The following SBF1 variants were observed in gnomAD, a reference collection of about 807,000 sequenced individuals.
The protein encoded by SBF1 is SET binding factor 1.
In SBF1, 65 loss-of-function variants were observed where a neutral mutation model predicts 215.8. That is an observed-to-expected ratio of 0.30 (90% confidence interval 0.25 to 0.37). The LOEUF (loss-of-function observed/expected upper bound fraction) is 0.37, where lower values mean the gene tolerates loss of function less well. SBF1 is among the 10% of genes least tolerant of loss of function. SBF1 has a pLI of 1.00. For missense variants in SBF1, 2,634 were observed against 2,667.8 expected, an observed-to-expected ratio of 0.99 and a Z score of 0.28; for synonymous variants, 1,410 against 1,122.8, an observed-to-expected ratio of 1.26 and a Z score of -5.11.
intron 2 of SBF1, among the ~76,000 whole-genome samples, 191 bp downstream of exon 2, chr22:50,468,183 GAC>G (rs143365869): frequency 7.4e-4 from 112 of 152,324 alleles, no homozygotes; most frequent in Middle Eastern, 3.4e-3. Flanking sequence ...GTGACAACAT[GAC>G]ACAGTGACAT....
chr22:50,446,967 G>T lies in SBF1; in HGVS notation c.*175C>A. 1 of 720,168 alleles carries T rather than the reference G, an allele frequency of 1.4e-6. No individual in the cohort carries two copies. The highest frequency in any genetic ancestry group is 1.5e-5 in the South Asian group (1 of 66,824). 44.6% of individuals were successfully genotyped at this position (720,168 alleles called of 1,614,324 possible). ...GTGCTCAGCTGTGACGCCAAAATAAGTTAGGGCCGGCCGGGCGGGGCGGGG... is the reference window on the plus strand; with the variant it reads ...GTGCTCAGCTGTGACGCCAAAATAATTTAGGGCCGGCCGGGCGGGGCGGGG... On this transcript the variant is annotated 3_prime_UTR_variant, in exon 41 of 41. Coordinates refer to ENST00000380817, the MANE Select transcript of SBF1 (RefSeq NM_002972.4).
In SBF1 at chr22:50,454,513, T is replaced by C; in HGVS notation, c.5042A>G (p.Glu1681Gly). 2 of 1,607,904 alleles carry C rather than the reference T, an allele frequency of 1.2e-6. No homozygotes were observed. Among genetic ancestry groups the C allele is most frequent in the Non-Finnish European group, 1.7e-6 (2 of 1,179,332 alleles). Residue 1681 changes from glutamate (E) to glycine (G), a missense_variant and splice_region_variant, in exon 36 of 41, where the codon GAG (glutamate) becomes GGG (glycine). Transcript: ENST00000380817. The part of the protein sequence containing the change: ...AQPDAISRLL[E>G]ELQRLETELG... ...ACCCTGCTCTGGGATCACACGCACC[T>C]CCAGCAGGCGTGAGATGGCGTCAGG... is the stretch of plus-strand genomic sequence containing the variant.
chr22:50,466,444 T>C lies in SBF1; in HGVS notation c.694A>G (p.Thr232Ala). Residue 232 changes from threonine (T) to alanine (A), a missense_variant, in exon 7 of 41, where the codon ACG (threonine) becomes GCG (alanine). Thr to Ala is a moderately conservative substitution (Grantham distance 58). Coordinates refer to ENST00000380817, the MANE Select transcript of SBF1 (RefSeq NM_002972.4). ...GACAGGAAGAGAACCTTGTGCTCCG[T>C]GAGGGCGGCACAGAACAAAGACAGC... ...NVLSLFCAAL[T>A]EHKVLFLSRS... 1.9e-6 allele frequency: 3 copies of C among 1,552,194 alleles called. No individual in the cohort carries two copies. Among genetic ancestry groups the C allele is most frequent in the Non-Finnish European group, 2.6e-6 (3 of 1,147,316 alleles).
In SBF1 at chr22:50,446,648, G is replaced by C; in HGVS notation, c.*494C>G. ...CGCCCCCAGAGCAAAGTCACTCCCAGGGACATGCAGGCCGAGCTGGGTGGA... is the reference window on the plus strand; with the variant it reads ...CGCCCCCAGAGCAAAGTCACTCCCACGGACATGCAGGCCGAGCTGGGTGGA... On this transcript the variant is annotated 3_prime_UTR_variant, in exon 41 of 41. Transcript: ENST00000380817. 2.7e-6 allele frequency: 1 copy of C among 364,062 alleles called. No homozygotes were observed. The highest frequency in any genetic ancestry group is 5.4e-6 in the Non-Finnish European group (1 of 184,300). 22.6% of individuals were successfully genotyped at this position (364,062 alleles called of 1,614,324 possible). A position where few individuals can be genotyped will look rare whatever the true frequency, so the allele number is the denominator to read the frequency against.
At chr22:50,447,694 C>G (rs962775933) in intron 38 of SBF1, 85 bp from the exon 39 acceptor site, 2 of 1,002,916 alleles carry the variant, frequency 2.0e-6, no homozygotes, top group African/African-American at 1.6e-5. Context: ...CCCTTGCTGT[C>G]CCAGCCCAGG....
chr22:50,459,884 C>A, intron 26 of SBF1, 68 bp downstream of exon 26: 2 of 1,549,038 alleles, frequency 1.3e-6, no homozygotes, highest in Non-Finnish European at 8.9e-7. Context: ...GTGGCCCAGG[C>A]CCACAGCGGG....
In SBF1 at chr22:50,464,422, G is replaced by A. The variant is rs1381479747; in HGVS notation, c.1656C>T (p.Cys552=). The stretch of plus-strand genomic sequence containing the variant: ...GGGCGCTGTTGACATGCAGCCCACT[G>A]CACCGCTCCAGTATGGCAGCTGCGG... ...GPPMTAILER[C]SGLHVNSARR... is the part of the protein sequence containing the mutation. Residue 552 remains cysteine (C), a synonymous_variant, in exon 15 of 41, where the codon TGC becomes TGT. Coordinates refer to ENST00000380817, the MANE Select transcript of SBF1 (RefSeq NM_002972.4). The A allele has an allele frequency of 2.5e-6, 4 of 1,613,784 alleles. No homozygotes were observed. Among genetic ancestry groups the A allele is most frequent in the African/African-American group, 2.7e-5 (2 of 74,960 alleles).
intron 1 of SBF1, among the ~76,000 whole-genome samples, chr22:50,473,450 T>C (rs996729241): frequency 1.3e-5 from 2 of 152,176 alleles, no homozygotes; most frequent in African/African-American, 4.8e-5. Context: ...GAGGACTATG[T>C]GGTCCTAGCA....
intron 9 of SBF1, 24 bp from the exon 10 acceptor site, chr22:50,465,864 C>T (rs748451418): frequency 2.1e-5 from 34 of 1,612,832 alleles, no homozygotes; most frequent in Non-Finnish European, 2.8e-5. Context: ...ATGGAGCAGG[C>T]AGCTGCACGC....
intron 28 of SBF1, among the ~76,000 whole-genome samples, chr22:50,457,569 G>A (rs927952055): frequency 2.0e-5 from 3 of 152,260 alleles, no homozygotes; most frequent in African/African-American, 7.2e-5. Flanking sequence ...GCCTGGAGAA[G>A]AGGCGACCTG....
intron 25 of SBF1, 44 bp from the exon 26 acceptor site, chr22:50,460,203 C>A (rs2067445319): frequency 6.2e-7 from 1 of 1,604,796 alleles, no homozygotes; most frequent in African/African-American, 1.3e-5. Flanking sequence ...GCCACTCCGC[C>A]TGCCCTGATC....
At chr22:50,452,723 C>CAAAAAAAA (rs57951967) in intron 36 of SBF1, among the ~76,000 whole-genome samples, 3 of 39,536 alleles carry the variant, frequency 7.6e-5, no homozygotes, top group African/African-American at 3.8e-4. Flanking sequence ...CTCCATCTCT[C>CAAAAAAAA]AAAAAAAAAA....
Position 50,447,147 on chromosome 22 carries a change from C to A in SBF1, c.5677G>T (p.Ala1893Ser), listed in dbSNP as rs1037891565. 1 of 1,611,704 alleles carries A rather than the reference C, an allele frequency of 6.2e-7. No individual in the cohort carries two copies. Among genetic ancestry groups the A allele is most frequent in the Admixed American group, 1.7e-5 (1 of 59,900 alleles). The change falls in exon 41 of 41, where the codon GCC becomes TCC. Residue 1893 changes from alanine to serine, a missense_variant. By Grantham distance (99) the Ala-to-Ser change is moderately conservative. Transcript: ENST00000380817. ...VDRIQSCLSD[A>S] is the part of the protein sequence containing the mutation. ...GCCGGGCAGGGCTGGGAGGCTCAGG[C>A]GTCCGACAGGCAGCTCTGGATCCGG...
chr22:50,455,665 C>T (rs1439904593), intron 31 of SBF1, 83 bp from the exon 32 acceptor site: 2 of 1,179,874 alleles, frequency 1.7e-6, no homozygotes, highest in Non-Finnish European at 2.5e-6. Flanking sequence ...CCCGCATGTC[C>T]ACAGGCAGCG....
In SBF1 at chr22:50,446,885, G is replaced by T; in HGVS notation, c.*257C>A. On this transcript the variant is annotated 3_prime_UTR_variant, in exon 41 of 41. Coordinates refer to ENST00000380817, the MANE Select transcript of SBF1 (RefSeq NM_002972.4). ...GCTGGCTGGACCAGCACACGCTGACGGGGCCGGACTATTTACAGGCCCATT... is the reference window on the plus strand; with the variant it reads ...GCTGGCTGGACCAGCACACGCTGACTGGGCCGGACTATTTACAGGCCCATT... 1.3e-6 allele frequency: 1 copy of T among 744,400 alleles called. No homozygotes were observed. Among genetic ancestry groups the T allele is most frequent in the South Asian group, 1.4e-5 (1 of 71,742 alleles). The allele number at this position is 744,400 out of a possible 1,614,324, so 46.1% of individuals were successfully genotyped here. A position where few individuals can be genotyped will look rare whatever the true frequency, so the allele number is the denominator to read the frequency against.
In SBF1 at chr22:50,466,063, A is replaced by C; in HGVS notation, c.909T>G (p.Ile303Met). 1 of 1,613,840 alleles carries C rather than the reference A, an allele frequency of 6.2e-7. No individual in the cohort carries two copies. Among genetic ancestry groups the C allele is most frequent in the Non-Finnish European group, 8.5e-7 (1 of 1,180,036 alleles). The change falls in exon 9 of 41, where the codon ATT (isoleucine) becomes ATG (methionine). Residue 303 changes from isoleucine (I) to methionine (M), a missense_variant. Physicochemically the swap from Ile to Met is conservative, Grantham distance 10 (BLOSUM62 1). Coordinates refer to ENST00000380817, the MANE Select transcript of SBF1 (RefSeq NM_002972.4). ...CCGTCCCTCCATCCAGATCAGCAACAATCACATCGAGCTGCGGACCAAGGG... is the reference window on the plus strand; with the variant it reads ...CCGTCCCTCCATCCAGATCAGCAACCATCACATCGAGCTGCGGACCAAGGG... ...QAETQELLDV[I>M]VADLDGGTVT...
rs760223422 is a variant in SBF1, at chr22:50,465,069, C to T, written c.1264G>A (p.Gly422Ser). 6.2e-6 allele frequency: 10 copies of T among 1,614,092 alleles called. No homozygotes were observed. Among genetic ancestry groups the T allele is most frequent in the South Asian group, 3.3e-5 (3 of 91,086 alleles). ...GACACAAAGCCAGCAAAGGCCATGC[C>T]CTCCAGCACCTTCATCAGGAAATCG... ...EDDFLMKVLE[G>S]MAFAGFVSER... The change falls in exon 12 of 41, where the codon GGC becomes AGC. Residue 422 changes from glycine to serine, a missense_variant. Coordinates refer to ENST00000380817, the MANE Select transcript of SBF1 (RefSeq NM_002972.4).
chr22:50,469,538 G>A (rs554265401), intron 1 of SBF1, among the ~76,000 whole-genome samples: 11 of 152,154 alleles, frequency 7.2e-5, no homozygotes, highest in Non-Finnish European at 5.9e-5. Flanking sequence ...GGACGGCTCC[G>A]CAGGCCTCCC....
Position 50,462,409 on chromosome 22 carries a change from C to T in SBF1, c.2192G>A (p.Arg731Gln), listed in dbSNP as rs1000291288. The change falls in exon 19 of 41, where the codon CGG (arginine) becomes CAG (glutamine). Residue 731 changes from arginine (R) to glutamine (Q), a missense_variant. By Grantham distance (43) the Arg-to-Gln change is conservative (BLOSUM62 1). Transcript: ENST00000380817. ...ACGACTCAGAGTTGGCCACAAGCGC[C>T]GCTGCTCAGAAGCCACGTCTAGGGC... ...RSALDVASEQ[R>Q]RLWPTLSREK... The T allele has an allele frequency of 4.3e-6, 7 of 1,613,926 alleles. No homozygotes were observed. The highest frequency in any genetic ancestry group is 2.7e-5 in the African/African-American group (2 of 74,936).
Sources: allele counts gnomAD v4.1 joint callset (sites outside exome capture counted in the v4.1 genomes callset), GRCh38; gene constraint gnomAD v4.1.1; transcripts MANE v1.5; gene names NCBI Gene and HGNC (gene_info 2026-07-23, HGNC 2026-07-21).